The following FGF14 variants were observed in gnomAD, a reference collection of about 807,000 sequenced individuals.
FGF14 encodes the protein fibroblast growth factor 14.
A neutral mutation model predicts 25.5 loss-of-function variants in FGF14; 5 were observed. The ratio of observed to expected loss-of-function variants is 0.20; its 90% CI spans 0.10 to 0.41. FGF14 has a LOEUF of 0.41. FGF14 is among the 10% of genes least tolerant of loss of function. The pLI, the probability that FGF14 is intolerant of heterozygous loss-of-function variation, is 1.00. For synonymous variants in FGF14, 138 were observed against 118.3 expected (o/e 1.17, Z -1.08); for missense variants, 222 against 320.1 (o/e 0.69, Z 2.34).
At position 102,022,014 on chromosome 13, in the gene FGF14, G is replaced by C. The variant is rs1595021885; in HGVS notation, c.209-146718C>G. Among the ~76,000 whole-genome samples the C allele has an allele frequency of 3.3e-5, 5 of 152,206 alleles. No homozygotes were observed. In the South Asian group the frequency reaches 8.3e-4, roughly 25 times the overall value. Reference sequence around the variant, plus strand: ...TGTCATGATTCACGGGGACTCCCCAGATAGAACTGCCATATCTACTCTGCG... The same window carrying C: ...TGTCATGATTCACGGGGACTCCCCACATAGAACTGCCATATCTACTCTGCG... On this transcript the variant is annotated intron_variant, in intron 1 of 4. Coordinates refer to the FGF14 transcript ENST00000376131.
chr13:102,387,516 T>C (rs1009270169), intron 1 of FGF14, among the ~76,000 whole-genome samples: 1 of 152,214 alleles, frequency 6.6e-6, no homozygotes, highest in African/African-American at 2.4e-5. Context: ...AAATAGCCTA[T>C]GACATTTTCA....
chr13:101,955,966 C>T (rs2036488367), intron 1 of FGF14, among the ~76,000 whole-genome samples: 1 of 152,208 alleles, frequency 6.6e-6, no homozygotes, highest in African/African-American at 2.4e-5. Flanking sequence ...AAACAAGTCC[C>T]ACGTTTTCAC....
chr13:101,950,464 C>T (rs2036087110), intron 1 of FGF14, among the ~76,000 whole-genome samples: 1 of 152,122 alleles, frequency 6.6e-6, no homozygotes, highest in Non-Finnish European at 1.5e-5. Context: ...AGAAAGCATG[C>T]CTTTTACTGT....
chr13:102,146,398 C>T (rs961016457), intron 1 of FGF14, among the ~76,000 whole-genome samples: 6 of 152,112 alleles, frequency 3.9e-5, no homozygotes, highest in Admixed American at 3.9e-4. Context: ...CATGGGTTTA[C>T]AGAAATAAAA....
chr13:101,830,803 G>T (rs1169152546), intron 3 of FGF14, among the ~76,000 whole-genome samples: 1 of 152,066 alleles, frequency 6.6e-6, no homozygotes, highest in African/African-American at 2.4e-5. Flanking sequence ...GCAGACTTAT[G>T]TTCCATTTTG....
At chr13:101,875,456 A>G (rs1472053167) in intron 1 of FGF14, among the ~76,000 whole-genome samples, 160 bp from the exon 2 acceptor site, 3 of 152,088 alleles carry the variant, frequency 2.0e-5, no homozygotes, top group East Asian at 3.9e-4. Flanking sequence ...AACCTGCAGT[A>G]TTCTATTTAT....
intron 1 of FGF14, among the ~76,000 whole-genome samples, chr13:102,163,418 G>A (rs2047863713): frequency 6.6e-6 from 1 of 152,076 alleles, no homozygotes; most frequent in Admixed American, 6.6e-5. Context: ...TAAGCTCCAG[G>A]GTTATAAAGG....
chr13:102,019,506 A>G (rs2040521771), intron 1 of FGF14, among the ~76,000 whole-genome samples: 1 of 152,128 alleles, frequency 6.6e-6, no homozygotes, highest in Non-Finnish European at 1.5e-5. Context: ...GATACCCCTG[A>G]GGCTGATGTT....
intron 1 of FGF14, among the ~76,000 whole-genome samples, chr13:102,343,960 T>C (rs2057029399): frequency 6.6e-6 from 1 of 152,214 alleles, no homozygotes; most frequent in South Asian, 2.1e-4. Context: ...GCCTTGTGTT[T>C]TTCGTACTCT....
chr13:102,273,192 C>A (rs1231243812), intron 1 of FGF14, among the ~76,000 whole-genome samples: 1 of 152,134 alleles, frequency 6.6e-6, no homozygotes, highest in Non-Finnish European at 1.5e-5. Context: ...GTGGTTCAAG[C>A]CCGTGCTGAG....
In FGF14 at chr13:101,713,770, A is replaced by G. The variant is rs2034588159; in HGVS notation, c.*9061T>C. Reference sequence around the variant, plus strand: ...GGAAGTTTTTTAGTTAGGTAGGAGAAATGGGTGAAGTGGAGGGAAAAAGAG... The same window carrying G: ...GGAAGTTTTTTAGTTAGGTAGGAGAGATGGGTGAAGTGGAGGGAAAAAGAG... On this transcript the variant is annotated 3_prime_UTR_variant, in exon 5 of 5. Coordinates refer to ENST00000376143, the MANE Select transcript of FGF14 (RefSeq NM_004115.4). The G allele has an allele frequency of 6.6e-6, 1 of 152,164 alleles. No homozygotes were observed. The highest frequency in any genetic ancestry group is 6.6e-5 in the Admixed American group (1 of 15,264). 9.4% of individuals were successfully genotyped at this position (152,164 alleles called of 1,614,324 possible).
At chr13:101,925,047 C>A (rs1477776636) in intron 1 of FGF14, among the ~76,000 whole-genome samples, 1 of 151,786 alleles carries the variant, frequency 6.6e-6, no homozygotes, top group Non-Finnish European at 1.5e-5. Flanking sequence ...GCTCTGTGAG[C>A]AAAGCAAGAA....
At chr13:101,769,587 A>T (rs1279441903) in intron 3 of FGF14, among the ~76,000 whole-genome samples, 1 of 152,178 alleles carries the variant, frequency 6.6e-6, no homozygotes, top group East Asian at 1.9e-4. Flanking sequence ...GGATAGGTAA[A>T]CTGTGGAACA....
intron 1 of FGF14, among the ~76,000 whole-genome samples, chr13:102,383,183 A>G (rs560433601): frequency 6.6e-6 from 1 of 152,128 alleles, no homozygotes; most frequent in African/African-American, 2.4e-5. Flanking sequence ...TACAACTAGA[A>G]TTGTGATCAA....
intron 1 of FGF14, among the ~76,000 whole-genome samples, chr13:102,149,181 A>T (rs2046976237): frequency 1.3e-5 from 2 of 151,904 alleles, no homozygotes; most frequent in South Asian, 4.1e-4. Flanking sequence ...TAATATCATT[A>T]TTTTAAAATA....
At chr13:102,329,348 A>G (rs1168991171) in intron 1 of FGF14, among the ~76,000 whole-genome samples, 1 of 152,118 alleles carries the variant, frequency 6.6e-6, no homozygotes, top group Non-Finnish European at 1.5e-5. Flanking sequence ...CCCCAACAGT[A>G]GTGTCAAAAG....
At chr13:102,196,955 TGG>T (rs1491271646) in intron 1 of FGF14, among the ~76,000 whole-genome samples, 31 of 129,918 alleles carry the variant, frequency 2.4e-4, no homozygotes, top group African/African-American at 5.7e-4. Context: ...TTTGTTTTTT[TGG>T]TTTTTTTTTT....
chr13:102,224,840 G>A lies in FGF14; in HGVS notation c.208+176631C>T, dbSNP rs148757006. ...TGGCTGTCTTAAAAGATGCCTCGAG[G>A]AGGAAATGTTTAACACACTGTAATC... On this transcript the variant is annotated intron_variant, in intron 1 of 4. Coordinates refer to the FGF14 transcript ENST00000376131. 5.5e-3 allele frequency among the ~76,000 whole-genome samples: 835 copies of A among 152,248 alleles called. 2 individuals carry two copies. Among genetic ancestry groups the A allele is most frequent in the Non-Finnish European group, 9.0e-3 (614 of 68,016 alleles).
At chr13:102,391,231 G>C (rs905965710) in intron 1 of FGF14, among the ~76,000 whole-genome samples, 3 of 152,114 alleles carry the variant, frequency 2.0e-5, no homozygotes, top group Non-Finnish European at 4.4e-5. Flanking sequence ...GGAGACAAAG[G>C]GATGAAATAT....
Sources: allele counts gnomAD v4.1 joint callset (sites outside exome capture counted in the v4.1 genomes callset), GRCh38; gene constraint gnomAD v4.1.1; transcripts MANE v1.5; gene names NCBI Gene and HGNC (gene_info 2026-07-23, HGNC 2026-07-21).